Variants in CARMIL1 observed in about 807,000 individuals in gnomAD.
CARMIL1 encodes F-actin-uncapping protein LRRC16A.
Under a neutral mutation model 177.1 loss-of-function variants are expected in CARMIL1, and 90 were observed. The observed-to-expected ratio is 0.51, with a 90% confidence interval of 0.43 to 0.61. The LOEUF is 0.61. Ranked by LOEUF, CARMIL1 falls within the 20% of genes least tolerant of loss-of-function variation. The probability of loss-of-function intolerance (pLI) is 0.00; values close to 1 mark genes in which losing one functional copy is unlikely to be tolerated. For missense variants in CARMIL1, 1,380 were observed against 1,667.0 expected (o/e 0.83, Z 3.00); for synonymous variants, 577 against 606.2 (o/e 0.95, Z 0.71).
chr6:25,474,631 T>C (rs887025002), intron 11 of CARMIL1, among the ~76,000 whole-genome samples: 3 of 152,180 alleles, frequency 2.0e-5, no homozygotes, highest in Admixed American at 6.5e-5. Context: ...CCTCATAGAA[T>C]AAGCCAAAGC....
chr6:25,488,711 T>G, intron 13 of CARMIL1, 126 bp downstream of exon 13: 1 of 769,384 alleles, frequency 1.3e-6, no homozygotes, highest in Non-Finnish European at 2.3e-6. Flanking sequence ...TTGAATCATT[T>G]AGTTACGAGC....
intron 2 of CARMIL1, among the ~76,000 whole-genome samples, chr6:25,397,578 C>G (rs1022771911): frequency 6.6e-6 from 1 of 152,206 alleles, no homozygotes; most frequent in Non-Finnish European, 1.5e-5. Context: ...CACTGGTTAT[C>G]TAAGGAATCT....
chr6:25,343,918 T>C (rs1787220560), intron 2 of CARMIL1, among the ~76,000 whole-genome samples: 1 of 152,102 alleles, frequency 6.6e-6, no homozygotes. Flanking sequence ...TGCTCCTCCT[T>C]CTCCTGAAAC....
intron 32 of CARMIL1, among the ~76,000 whole-genome samples, chr6:25,597,464 G>A (rs1035491003): frequency 2.6e-5 from 4 of 152,086 alleles, no homozygotes; most frequent in African/African-American, 9.7e-5. Flanking sequence ...GTTTTCCTTG[G>A]TGTTAATTAT....
chr6:25,288,063 G>A (rs1433600404), intron 2 of CARMIL1, among the ~76,000 whole-genome samples: 1 of 152,158 alleles, frequency 6.6e-6, no homozygotes, highest in Non-Finnish European at 1.5e-5. Context: ...GATGAATCGG[G>A]GCTTCAGGAG....
chr6:25,285,710 C>G (rs1195326689), intron 2 of CARMIL1, among the ~76,000 whole-genome samples: 2 of 152,080 alleles, frequency 1.3e-5, no homozygotes, highest in African/African-American at 2.4e-5. Flanking sequence ...AATAGTATAT[C>G]GAACTCTGTG....
At chr6:25,307,296 A>G (rs1446297256) in intron 2 of CARMIL1, among the ~76,000 whole-genome samples, 1 of 152,188 alleles carries the variant, frequency 6.6e-6, no homozygotes, top group East Asian at 1.9e-4. Flanking sequence ...ATTTGTTAGC[A>G]CTTTATATAC....
intron 2 of CARMIL1, among the ~76,000 whole-genome samples, chr6:25,308,738 C>A (rs950883112): frequency 1.3e-5 from 2 of 151,704 alleles, no homozygotes; most frequent in Non-Finnish European, 2.9e-5. Context: ...TTAAAAAATC[C>A]TTCAGTTTAT....
intron 2 of CARMIL1, among the ~76,000 whole-genome samples, chr6:25,346,737 C>T (rs991297714): frequency 1.4e-4 from 22 of 152,230 alleles, no homozygotes; most frequent in African/African-American, 4.3e-4. Flanking sequence ...ATTTCTGGCT[C>T]TAGGCACATT....
At chr6:25,485,588 C>T (rs1802560289) in intron 12 of CARMIL1, among the ~76,000 whole-genome samples, 1 of 152,126 alleles carries the variant, frequency 6.6e-6, no homozygotes, top group Admixed American at 6.5e-5. Context: ...GCATGTGCCA[C>T]CACGCCCAGC....
At chr6:25,529,856 G>C (rs214056) in intron 24 of CARMIL1, among the ~76,000 whole-genome samples, 65,417 of 150,478 alleles carry the variant, frequency 0.43, 14,323 homozygotes, top group East Asian at 0.5. Flanking sequence ...TTGTGATACT[G>C]TAGTACAGAA....
chr6:25,598,461 A>C (rs1582482275), intron 32 of CARMIL1, among the ~76,000 whole-genome samples: 1 of 151,854 alleles, frequency 6.6e-6, no homozygotes, highest in Non-Finnish European at 1.5e-5. Flanking sequence ...CTGGTCTCGA[A>C]CTCCCAGGGT....
chr6:25,386,876 C>G (rs1181153924), intron 2 of CARMIL1, among the ~76,000 whole-genome samples: 3 of 151,784 alleles, frequency 2.0e-5, no homozygotes, highest in East Asian at 3.9e-4. Flanking sequence ...GCCTGTAATC[C>G]TAGCACTTTG....
intron 24 of CARMIL1, among the ~76,000 whole-genome samples, chr6:25,532,834 CT>C (rs1418250086): frequency 6.6e-6 from 1 of 152,128 alleles, no homozygotes; most frequent in Non-Finnish European, 1.5e-5. Context: ...ATAGTAAATA[CT>C]TTAGGCTTTG....
At chr6:25,489,400 G>A (rs1476572617) in intron 13 of CARMIL1, among the ~76,000 whole-genome samples, 3 of 151,990 alleles carry the variant, frequency 2.0e-5, no homozygotes, top group Non-Finnish European at 2.9e-5. Flanking sequence ...CCATTTCTTC[G>A]GAGTTTGAAT....
chr6:25,612,742 CAA>C, intron 36 of CARMIL1: 3 of 984,542 alleles, frequency 3.0e-6, no homozygotes, highest in Non-Finnish European at 3.6e-6. Flanking sequence ...CTCAGTAGTG[CAA>C]AGAGGAGATT....
chr6:25,453,909 A>G (rs1799240143), intron 8 of CARMIL1, among the ~76,000 whole-genome samples: 1 of 152,120 alleles, frequency 6.6e-6, no homozygotes, highest in East Asian at 1.9e-4. Flanking sequence ...TGATTTTTAT[A>G]GCATTGATAG....
intron 11 of CARMIL1, 134 bp downstream of exon 11, chr6:25,472,655 A>G: frequency 3.1e-6 from 2 of 641,458 alleles, no homozygotes; most frequent in South Asian, 4.3e-5. Context: ...GTTGGCTTCC[A>G]GTTCTTTCCA....
intron 8 of CARMIL1, 135 bp downstream of exon 8, chr6:25,450,846 T>G: frequency 1.0e-5 from 5 of 501,310 alleles, no homozygotes; most frequent in Non-Finnish European, 7.1e-6. Context: ...TCCCCTCCCC[T>G]TCCCTCCCCT....
Sources: allele counts gnomAD v4.1 joint callset (sites outside exome capture counted in the v4.1 genomes callset), GRCh38; gene constraint gnomAD v4.1.1; transcripts MANE v1.5; gene names NCBI Gene and HGNC (gene_info 2026-07-23, HGNC 2026-07-21).